IGFL2: variants seen among roughly 807,000 people sequenced by gnomAD.
IGFL2 encodes insulin growth factor-like family member 2.
A neutral mutation model predicts 13.9 loss-of-function variants in IGFL2; 7 were observed. The observed-to-expected ratio is 0.51, with a 90% CI of 0.29 to 0.95. IGFL2 has a LOEUF of 0.95. Among genes scored for constraint, IGFL2 ranks in the 40% least tolerant of loss-of-function variants. The probability of loss-of-function intolerance (pLI) is 0.08; values close to 1 mark genes in which losing one functional copy is unlikely to be tolerated. For synonymous variants in IGFL2, 55 were observed against 55.8 expected, an observed-to-expected ratio of 0.99 and a Z score of 0.07; for missense variants, 138 against 147.8, an observed-to-expected ratio of 0.93 and a Z score of 0.34.
chr19:46,170,944 CT>C, the IGFL2 span, among the ~76,000 whole-genome samples: 1 of 152,132 alleles, frequency 6.6e-6, no homozygotes, highest in Non-Finnish European at 1.5e-5. Context: ...TCGCCCTGAC[CT>C]TCTGCCCTTG....
At chr19:46,196,838 CTCT>C in the IGFL2 span, 4 of 152,758 alleles carry the variant, frequency 2.6e-5, no homozygotes, top group Admixed American at 2.6e-4. Flanking sequence ...CAGAGCCCTC[CTCT>C]TCTTCCTTCT....
the IGFL2 span, among the ~76,000 whole-genome samples, chr19:46,191,167 A>G: frequency 6.6e-6 from 1 of 152,192 alleles, no homozygotes; most frequent in Non-Finnish European, 1.5e-5. Context: ...TAGAATTAAT[A>G]AAGGAAAAAT....
the IGFL2 span, chr19:46,209,042 C>G: frequency 1.3e-5 from 2 of 152,152 alleles, no homozygotes; most frequent in Non-Finnish European, 2.9e-5. Flanking sequence ...GGGCGCTGCT[C>G]CCAGCCTTGC....
At chr19:46,103,224 A>T in the IGFL2 span, among the ~76,000 whole-genome samples, 3 of 152,298 alleles carry the variant, frequency 2.0e-5, no homozygotes, top group Admixed American at 2.0e-4. Flanking sequence ...TTTAGGTAAA[A>T]GCAACACTCT....
the IGFL2 span, among the ~76,000 whole-genome samples, chr19:46,115,265 C>T: frequency 6.6e-6 from 1 of 152,178 alleles, no homozygotes; most frequent in Non-Finnish European, 1.5e-5. Context: ...AATTCCTGAG[C>T]TCTGGGGAAG....
chr19:46,097,301 G>C, the IGFL2 span, among the ~76,000 whole-genome samples: 1 of 152,098 alleles, frequency 6.6e-6, no homozygotes, highest in South Asian at 2.1e-4. Context: ...GTTTATTTGC[G>C]TAGAGGTGTT....
At chr19:46,116,608 C>T in the IGFL2 span, among the ~76,000 whole-genome samples, 1 of 152,072 alleles carries the variant, frequency 6.6e-6, no homozygotes, top group Admixed American at 6.5e-5. Flanking sequence ...AAATTCTGGC[C>T]CCAAGGAATC....
the IGFL2 span, among the ~76,000 whole-genome samples, chr19:46,085,640 AT>A: frequency 6.6e-6 from 1 of 152,278 alleles, no homozygotes; most frequent in Middle Eastern, 3.4e-3. Flanking sequence ...TAATATTGAT[AT>A]GTGAGGGTTT....
chr19:46,089,208 TATC>T, the IGFL2 span, among the ~76,000 whole-genome samples: 5 of 152,176 alleles, frequency 3.3e-5, no homozygotes, highest in Non-Finnish European at 5.9e-5. Flanking sequence ...ACCTTATAGT[TATC>T]ATATGTTATT....
the IGFL2 span, among the ~76,000 whole-genome samples, chr19:46,091,168 A>G: frequency 6.6e-6 from 1 of 152,202 alleles, no homozygotes; most frequent in South Asian, 2.1e-4. Context: ...GGCAATGATT[A>G]CTAGAGAGTC....
the IGFL2 span, among the ~76,000 whole-genome samples, chr19:46,100,783 T>A: frequency 2.0e-5 from 3 of 152,228 alleles, no homozygotes; most frequent in Non-Finnish European, 4.4e-5. Context: ...CTCTTCCTTT[T>A]AGCCAGATGC....
chr19:46,095,134 A>T, the IGFL2 span, among the ~76,000 whole-genome samples: 6 of 152,238 alleles, frequency 3.9e-5, no homozygotes, highest in South Asian at 4.1e-4. Flanking sequence ...ACTAATTTAC[A>T]TTCCCACCAA....
the IGFL2 span, among the ~76,000 whole-genome samples, chr19:46,117,571 T>C: frequency 6.6e-6 from 1 of 152,166 alleles, no homozygotes; most frequent in African/African-American, 2.4e-5. Flanking sequence ...CTCAAACTCC[T>C]GGGCCCAAGG....
At chr19:46,197,204 G>T in the IGFL2 span, 1 of 210,820 alleles carries the variant, frequency 4.7e-6, no homozygotes, top group Non-Finnish European at 1.0e-5. Context: ...TGGTCCCTCA[G>T]TCCCCCAGCG....
the IGFL2 span, among the ~76,000 whole-genome samples, chr19:46,176,683 G>A: frequency 6.6e-6 from 1 of 152,096 alleles, no homozygotes; most frequent in Admixed American, 6.5e-5. Context: ...GCTGCTCCTA[G>A]GGGGAAGTGG....
At chr19:46,135,748 A>G in the IGFL2 span, among the ~76,000 whole-genome samples, 1 of 152,128 alleles carries the variant, frequency 6.6e-6, no homozygotes, top group African/African-American at 2.4e-5. Context: ...GAAACATCCC[A>G]CTGCCTTTGA....
the IGFL2 span, among the ~76,000 whole-genome samples, chr19:46,082,320 A>G: frequency 7.9e-5 from 12 of 152,280 alleles, no homozygotes; most frequent in Admixed American, 3.3e-4. Flanking sequence ...GTCTACAAGT[A>G]TAAGGGGAGA....
At chr19:46,097,805 AG>A in the IGFL2 span, among the ~76,000 whole-genome samples, 4 of 152,146 alleles carry the variant, frequency 2.6e-5, no homozygotes, top group Non-Finnish European at 5.9e-5. Flanking sequence ...ATTTTCATGT[AG>A]TTATGTGGTT....
the IGFL2 span, among the ~76,000 whole-genome samples, chr19:46,094,903 C>G: frequency 1.3e-5 from 2 of 152,176 alleles, no homozygotes; most frequent in Non-Finnish European, 2.9e-5. Context: ...TGTATATGTG[C>G]CATGTTTTCT....
Sources: allele counts gnomAD v4.1 joint callset (sites outside exome capture counted in the v4.1 genomes callset), GRCh38; gene constraint gnomAD v4.1.1; transcripts MANE v1.5; gene names NCBI Gene and HGNC (gene_info 2026-07-23, HGNC 2026-07-21).